Variants in GPC5 observed in about 807,000 individuals in gnomAD.
GPC5 encodes glypican-5.
GPC5 carries 47 observed loss-of-function variants against 53.9 expected under a neutral mutation model. The ratio of observed to expected loss-of-function variants is 0.87; its 90% CI spans 0.69 to 1.11. GPC5 has a LOEUF of 1.11. GPC5 is among the 50% of genes most tolerant of loss of function. GPC5 has a pLI of 0.00. For missense variants in GPC5, 748 were observed against 713.1 expected (o/e 1.05, Z -0.56); for synonymous variants, 286 against 263.3 (o/e 1.09, Z -0.84).
intron 7 of GPC5, among the ~76,000 whole-genome samples, chr13:92,727,512 A>T (rs1273224579): frequency 8.6e-5 from 13 of 151,402 alleles, no homozygotes; most frequent in Admixed American, 6.6e-4. Context: ...TGATTTCTGC[A>T]TGGGTGTCCA....
intron 5 of GPC5, among the ~76,000 whole-genome samples, chr13:91,773,055 A>T (rs982221093): frequency 6.6e-6 from 1 of 152,178 alleles, no homozygotes; most frequent in Non-Finnish European, 1.5e-5. Context: ...ACTATTTTAG[A>T]GCAGATTCGG....
intron 7 of GPC5, among the ~76,000 whole-genome samples, chr13:92,730,081 T>C (rs1888757977): frequency 6.6e-6 from 1 of 151,420 alleles, no homozygotes; most frequent in Admixed American, 6.6e-5. Context: ...AATGAGGCTA[T>C]ATTATCTGAT....
At chr13:92,538,064 A>G (rs921389615) in intron 7 of GPC5, among the ~76,000 whole-genome samples, 4 of 152,120 alleles carry the variant, frequency 2.6e-5, no homozygotes, top group Non-Finnish European at 2.9e-5. Context: ...CTGGTGACCT[A>G]TTTAGAACTA....
At chr13:91,967,517 CTT>C (rs1594693927) in intron 6 of GPC5, among the ~76,000 whole-genome samples, 1 of 151,928 alleles carries the variant, frequency 6.6e-6, no homozygotes, top group Non-Finnish European at 1.5e-5. Context: ...TTTTCCCAGT[CTT>C]TGTCTAGCTT....
At chr13:92,347,728 C>G (rs1262150563) in intron 7 of GPC5, among the ~76,000 whole-genome samples, 2 of 144,250 alleles carry the variant, frequency 1.4e-5, no homozygotes, top group Non-Finnish European at 3.0e-5. Context: ...AATAAATCGT[C>G]AAGGGACACA....
chr13:92,571,703 C>T (rs2139041546), intron 7 of GPC5, among the ~76,000 whole-genome samples: 1 of 152,106 alleles, frequency 6.6e-6, no homozygotes, highest in South Asian at 2.1e-4. Context: ...AACTGCATTC[C>T]AAATCCAAAT....
chr13:92,775,588 C>T (rs1875775459), intron 7 of GPC5, among the ~76,000 whole-genome samples: 1 of 152,164 alleles, frequency 6.6e-6, no homozygotes, highest in African/African-American at 2.4e-5. Context: ...ATCAACTGAT[C>T]ATACCTTAGT....
At chr13:91,647,070 CGTGTGTGT>C (rs66824666) in intron 2 of GPC5, among the ~76,000 whole-genome samples, 3,006 of 144,080 alleles carry the variant, frequency 0.021, 32 homozygotes, top group African/African-American at 0.029. Flanking sequence ...TATATATATG[CGTGTGTGT>C]GTGTGTGTGT....
At chr13:91,906,918 A>T (rs1170764749) in intron 5 of GPC5, among the ~76,000 whole-genome samples, 1 of 151,532 alleles carries the variant, frequency 6.6e-6, no homozygotes, top group East Asian at 1.9e-4. Flanking sequence ...GTTGCTTAAA[A>T]ATTTGATTAT....
At chr13:91,549,147 T>C (rs1377675400) in intron 2 of GPC5, among the ~76,000 whole-genome samples, 1 of 151,960 alleles carries the variant, frequency 6.6e-6, no homozygotes, top group Non-Finnish European at 1.5e-5. Flanking sequence ...CAGGCTCCTG[T>C]AATCCCAACT....
intron 7 of GPC5, among the ~76,000 whole-genome samples, chr13:92,357,163 A>AC (rs1421836640): frequency 5.3e-5 from 8 of 151,708 alleles, no homozygotes; most frequent in African/African-American, 9.8e-5. Flanking sequence ...TGTTAATAGT[A>AC]CTGCAAGGGA....
At chr13:91,727,024 A>C (rs2036589802) in intron 3 of GPC5, among the ~76,000 whole-genome samples, 1 of 152,142 alleles carries the variant, frequency 6.6e-6, no homozygotes, top group African/African-American at 2.4e-5. Context: ...TTCCAAATGC[A>C]CAGTGTAGTT....
chr13:92,504,502 T>C (rs1880297246), intron 7 of GPC5, among the ~76,000 whole-genome samples: 1 of 151,970 alleles, frequency 6.6e-6, no homozygotes, highest in African/African-American at 2.4e-5. Context: ...AAAATGTATA[T>C]AGAAAAGGAC....
chr13:92,615,862 G>A (rs1255806425), intron 7 of GPC5, among the ~76,000 whole-genome samples: 2 of 152,054 alleles, frequency 1.3e-5, no homozygotes, highest in Non-Finnish European at 2.9e-5. Context: ...AGACCATCCT[G>A]GCTAACAGGT....
intron 7 of GPC5, among the ~76,000 whole-genome samples, chr13:92,338,670 T>C (rs2043342151): frequency 6.6e-6 from 1 of 152,074 alleles, no homozygotes; most frequent in Non-Finnish European, 1.5e-5. Context: ...TCCCACAATA[T>C]GAGATTCTGT....
At chr13:91,423,330 G>C (rs2138992649) in intron 1 of GPC5, among the ~76,000 whole-genome samples, 1 of 152,130 alleles carries the variant, frequency 6.6e-6, no homozygotes, top group East Asian at 1.9e-4. Flanking sequence ...TATTGAAATG[G>C]TATATATTTT....
intron 2 of GPC5, among the ~76,000 whole-genome samples, chr13:91,504,784 C>G (rs1361218054): frequency 4.6e-5 from 7 of 151,546 alleles, no homozygotes; most frequent in Admixed American, 4.6e-4. Context: ...ATAGTGAGAC[C>G]CATCTCTAAA....
chr13:92,051,468 G>A (rs999803405), intron 6 of GPC5, among the ~76,000 whole-genome samples: 20 of 151,530 alleles, frequency 1.3e-4, no homozygotes, highest in Non-Finnish European at 2.9e-4. Flanking sequence ...CCAAAGTGCC[G>A]GGATTACAGG....
At chr13:91,662,967 CTG>C (rs1253785955) in intron 2 of GPC5, among the ~76,000 whole-genome samples, 1 of 152,170 alleles carries the variant, frequency 6.6e-6, no homozygotes, top group Non-Finnish European at 1.5e-5. Context: ...TGAGAGGAAA[CTG>C]GAACTAGATT....
Sources: gnomAD v4.1 joint callset for allele counts (sites outside exome capture counted in the v4.1 genomes callset) on GRCh38, gnomAD v4.1.1 for gene constraint, MANE v1.5 for transcripts, NCBI Gene and HGNC (gene_info 2026-07-23, HGNC 2026-07-21) for gene names.